USP53: variants seen among roughly 807,000 people sequenced by gnomAD.
USP53 encodes ubiquitin carboxyl-terminal hydrolase 53.
A neutral mutation model predicts 94.9 loss-of-function variants in USP53; 71 were observed. That is an observed-to-expected ratio of 0.75 (90% CI 0.62 to 0.91). The LOEUF is 0.91. Among genes scored for constraint, USP53 ranks in the 40% least tolerant of loss-of-function variants. The probability of loss-of-function intolerance (pLI) is 0.00; values close to 1 mark genes in which losing one functional copy is unlikely to be tolerated. For missense variants in USP53, 1,173 were observed against 1,281.0 expected (o/e 0.92, Z 1.29); for synonymous variants, 375 against 422.7 (o/e 0.89, Z 1.39).
rs548850465 is a variant in USP53, at chr4:119,258,921, G to T, written c.570-899G>T. 7.4e-4 allele frequency among the ~76,000 whole-genome samples: 113 copies of T among 152,258 alleles called. 1 individual carries two copies. In the South Asian group the frequency reaches 0.023, roughly 31 times the overall value. On this transcript the variant is annotated intron_variant, in intron 9 of 18. Transcript: ENST00000692078. ...ACATAAAAATATGTCTTTTAAGGAG[G>T]TTGAATAAAAAGTATCACAGTTACC...
chr4:119,245,429 G>A lies in USP53; in HGVS notation c.237G>A (p.Lys79=), dbSNP rs747029917. The A allele has an allele frequency of 1.2e-6, 2 of 1,613,088 alleles. No homozygotes were observed. The highest frequency in any genetic ancestry group is 3.3e-5 in the Admixed American group (2 of 59,938). The change falls in exon 6 of 19, where the codon AAG becomes AAA. Residue 79 remains lysine (K), a splice_region_variant and synonymous_variant. Coordinates refer to ENST00000692078, the MANE Select transcript of USP53 (RefSeq NM_001371395.1). Reference sequence around the variant, plus strand: ...ATGCCTGTATATTTTGTGCATTGAAGGTAACCTTTTAATAGCTCTGAAAAA... The same window carrying A: ...ATGCCTGTATATTTTGTGCATTGAAAGTAACCTTTTAATAGCTCTGAAAAA... ...QGDACIFCAL[K]TIFAQFQHSR... is the part of the protein sequence containing the mutation.
At chr4:119,229,444 C>T (rs111572412) in intron 3 of USP53, among the ~76,000 whole-genome samples, 5 of 152,268 alleles carry the variant, frequency 3.3e-5, no homozygotes, top group African/African-American at 1.2e-4. Context: ...CTGGGTCTCT[C>T]CCCTTGAATG....
Position 119,268,258 on chromosome 4 carries a change from T to C in USP53, c.1136-10T>C, listed in dbSNP as rs759096232. The stretch of plus-strand genomic sequence containing the variant: ...GAAAGGAATGATACATTTTTGCTTC[T>C]CTTTTTAAGGATGTGAAAAGCCTGT... On this transcript the variant is annotated splice_polypyrimidine_tract_variant and intron_variant, in intron 13 of 18. Coordinates refer to ENST00000692078, the MANE Select transcript of USP53 (RefSeq NM_001371395.1). 1.3e-6 allele frequency: 2 copies of C among 1,593,536 alleles called. No homozygotes were observed. The highest frequency in any genetic ancestry group is 2.7e-5 in the African/African-American group (2 of 73,476).
At position 119,250,421 on chromosome 4, in the gene USP53, G is replaced by A. The variant is rs1748819217; in HGVS notation, c.372+1539G>A. On this transcript the variant is annotated intron_variant, in intron 7 of 18. Coordinates refer to ENST00000692078, the MANE Select transcript of USP53 (RefSeq NM_001371395.1). ...GAGCATCTTCATGGTTTCCTTAGATGGAAAGCTCATTGACTAGCATCTTGC... is the reference window on the plus strand; with the variant it reads ...GAGCATCTTCATGGTTTCCTTAGATAGAAAGCTCATTGACTAGCATCTTGC... Among the ~76,000 whole-genome samples, 2 of 152,098 alleles carry A rather than the reference G, an allele frequency of 1.3e-5. 1 individual carries two copies. Among genetic ancestry groups the A allele is most frequent in the Non-Finnish European group, 2.9e-5 (2 of 68,022 alleles).
At chr4:119,254,113 G>A (rs1189192992) in intron 7 of USP53, among the ~76,000 whole-genome samples, 2 of 152,178 alleles carry the variant, frequency 1.3e-5, no homozygotes, top group African/African-American at 4.8e-5. Flanking sequence ...GCTTCTCTTT[G>A]TGGGTAACCT....
At chr4:119,272,186 A>C (rs1159267031) in intron 16 of USP53, 152 bp downstream of exon 16, 2 of 693,438 alleles carry the variant, frequency 2.9e-6, no homozygotes, top group Non-Finnish European at 4.4e-6. Flanking sequence ...TTTTAAACAC[A>C]AGTATGTTTC....
chr4:119,220,042 ATTTTG>A (rs1017009830), intron 3 of USP53: 4 of 152,148 alleles, frequency 2.6e-5, no homozygotes, highest in African/African-American at 9.7e-5. Flanking sequence ...AAAGTTAAAC[ATTTTG>A]TTTTTTCTTA....
chr4:119,291,672 C>T (rs1754776461), intron 18 of USP53, among the ~76,000 whole-genome samples: 1 of 152,110 alleles, frequency 6.6e-6, no homozygotes, highest in Non-Finnish European at 1.5e-5. Flanking sequence ...CATTTACCCT[C>T]ACCTTAGAAA....
intron 12 of USP53, among the ~76,000 whole-genome samples, chr4:119,264,552 T>A (rs916772221): frequency 7.2e-5 from 11 of 152,210 alleles, no homozygotes; most frequent in Admixed American, 5.2e-4. Context: ...AGTTCACCAA[T>A]GAATATACAT....
chr4:119,261,654 ATTAT>A (rs1228548217), intron 11 of USP53, 57 bp from the exon 12 acceptor site: 1 of 1,343,484 alleles, frequency 7.4e-7, no homozygotes, highest in Non-Finnish European at 1.0e-6. Flanking sequence ...GATTCATCTA[ATTAT>A]TCCTCATTTT....
At chr4:119,266,130 C>G (rs1203147950) in intron 12 of USP53, among the ~76,000 whole-genome samples, 2 of 152,204 alleles carry the variant, frequency 1.3e-5, no homozygotes, top group African/African-American at 2.4e-5. Flanking sequence ...ACAGTATGTA[C>G]TACTGTGTAT....
intron 16 of USP53, 189 bp from the exon 17 acceptor site, chr4:119,273,442 AT>A: frequency 2.2e-6 from 1 of 447,664 alleles, no homozygotes; most frequent in East Asian, 3.4e-5. Context: ...GGGCAAATTA[AT>A]TTGACTTTTA....
At chr4:119,287,465 T>C (rs1382295950) in intron 17 of USP53, among the ~76,000 whole-genome samples, 1 of 152,134 alleles carries the variant, frequency 6.6e-6, no homozygotes, top group Admixed American at 6.5e-5. Flanking sequence ...ATTTTTCCCC[T>C]ATAGGGCAAT....
chr4:119,276,511 T>C (rs955219170), intron 17 of USP53, among the ~76,000 whole-genome samples: 1 of 151,912 alleles, frequency 6.6e-6, no homozygotes, highest in African/African-American at 2.4e-5. Flanking sequence ...CAGTATTTTA[T>C]TGAGGATTTT....
intron 3 of USP53, among the ~76,000 whole-genome samples, chr4:119,229,266 G>C (rs1406633851): frequency 1.3e-5 from 2 of 152,062 alleles, no homozygotes; most frequent in Non-Finnish European, 2.9e-5. Flanking sequence ...CCATAAACCT[G>C]GTGTTTCTGA....
At position 119,261,758 on chromosome 4, in the gene USP53, T is replaced by G. The variant is rs1030539031; in HGVS notation, c.866T>G (p.Leu289Arg). The change falls in exon 12 of 19, where the codon CTT becomes CGT. Residue 289 changes from leucine to arginine, a missense_variant. Coordinates refer to ENST00000692078, the MANE Select transcript of USP53 (RefSeq NM_001371395.1). ...VTDENAKNSE[L>R]NLVGMICYTS... ...GATGAAAATGCCAAAAATAGTGAAC[T>G]TAACCTTGTTGGTATGATCTGCTAC... 1 of 1,561,894 alleles carries G rather than the reference T, an allele frequency of 6.4e-7. No individual in the cohort carries two copies. The highest frequency in any genetic ancestry group is 1.3e-5 in the African/African-American group (1 of 74,474).
intron 1 of USP53, among the ~76,000 whole-genome samples, chr4:119,213,660 A>ATGTG (rs1553962017): frequency 1.7e-5 from 2 of 117,784 alleles, no homozygotes; most frequent in African/African-American, 7.2e-5. Flanking sequence ...ATATATATAT[A>ATGTG]TGTGTGTGTG....
At chr4:119,250,156 C>A (rs1578474237) in intron 7 of USP53, among the ~76,000 whole-genome samples, 1 of 152,262 alleles carries the variant, frequency 6.6e-6, no homozygotes, top group East Asian at 1.9e-4. Context: ...CCATTCTGTT[C>A]CTCACATATA....
At chr4:119,275,895 T>A (rs1752565869) in intron 17 of USP53, among the ~76,000 whole-genome samples, 1 of 151,466 alleles carries the variant, frequency 6.6e-6, no homozygotes, top group Admixed American at 6.6e-5. Flanking sequence ...TTTGGCTCTC[T>A]GTTTGTCTGT....
Sources: gnomAD v4.1 joint callset for allele counts (sites outside exome capture counted in the v4.1 genomes callset) on GRCh38, gnomAD v4.1.1 for gene constraint, MANE v1.5 for transcripts, NCBI Gene and HGNC (gene_info 2026-07-23, HGNC 2026-07-21) for gene names.